The following MAD1L1 variants were observed in gnomAD, a reference collection of about 807,000 sequenced individuals.
MAD1L1 encodes the protein mitotic spindle assembly checkpoint protein MAD1.
MAD1L1 carries 95 observed loss-of-function variants against 96.9 expected under a neutral mutation model. That is an observed-to-expected ratio of 0.98 (90% CI 0.83 to 1.16). The LOEUF (loss-of-function observed/expected upper bound fraction) is 1.16, where lower values mean the gene tolerates loss of function less well. Among genes scored for constraint, MAD1L1 ranks in the 50% most tolerant of loss-of-function variants. MAD1L1 has a pLI of 0.00. For missense variants in MAD1L1, 1,007 were observed against 954.4 expected (o/e 1.06, Z -0.73); for synonymous variants, 473 against 396.6 (o/e 1.19, Z -2.29).
intron 15 of MAD1L1, among the ~76,000 whole-genome samples, chr7:1,974,525 A>G (rs1199127384): frequency 6.6e-6 from 1 of 152,252 alleles, no homozygotes; most frequent in Non-Finnish European, 1.5e-5. Context: ...GAGAACAGAA[A>G]CAGACTCTCA....
chr7:1,950,367 G>A (rs889250128), intron 16 of MAD1L1, among the ~76,000 whole-genome samples: 1 of 152,118 alleles, frequency 6.6e-6, no homozygotes, highest in Non-Finnish European at 1.5e-5. Flanking sequence ...GCGCCACCTC[G>A]AGGCCCGCAA....
chr7:1,931,413 G>A (rs1421335956), intron 17 of MAD1L1, among the ~76,000 whole-genome samples: 1 of 152,214 alleles, frequency 6.6e-6, no homozygotes, highest in Non-Finnish European at 1.5e-5. Flanking sequence ...AGATTTACAT[G>A]CACATGAGTT....
Position 1,885,232 on chromosome 7 carries a change from T to C in MAD1L1, c.1998+12968A>G, listed in dbSNP as rs375426942. Among the ~76,000 whole-genome samples, 173 of 152,222 alleles carry C rather than the reference T, an allele frequency of 1.1e-3. 1 individual carries two copies. Among genetic ancestry groups the C allele is most frequent in the African/African-American group, 3.9e-3 (160 of 41,542 alleles). On this transcript the variant is annotated intron_variant, in intron 18 of 18. Coordinates refer to ENST00000265854, the MANE Select transcript of MAD1L1 (RefSeq NM_001013836.2). ...CACACAGACACTACTTTCAAGGAAC[T>C]GGTCTCAGGAACCACTCCCTGCCCA...
chr7:2,084,315 A>G (rs1785801774), intron 11 of MAD1L1, among the ~76,000 whole-genome samples: 1 of 152,228 alleles, frequency 6.6e-6, no homozygotes, highest in Non-Finnish European at 1.5e-5. Flanking sequence ...CGGACCCGCC[A>G]CAGAGACAGC....
chr7:2,071,587 G>A (rs1290957990), intron 11 of MAD1L1, among the ~76,000 whole-genome samples: 6 of 152,234 alleles, frequency 3.9e-5, no homozygotes, highest in South Asian at 2.1e-4. Flanking sequence ...CAGGAAGATC[G>A]AGGCCGGACT....
In MAD1L1 at chr7:2,088,518, A is replaced by G. The variant is rs75433204; in HGVS notation, c.1074-19180T>C. On this transcript the variant is annotated intron_variant, in intron 11 of 18. Transcript: ENST00000265854. This position sits in a 1 kb window ranked among gnomAD's most constrained non-coding sequence, Gnocchi z 4.4. ...CCCCAGCCTCGAGTGCCACCATGAC[A>G]GCTCTGGAGCTGCCACTGCACGTGC... Among the ~76,000 whole-genome samples the G allele has an allele frequency of 0.024, 3,637 of 152,252 alleles. 180 individuals are homozygous for G. Among genetic ancestry groups the G allele is most frequent in the African/African-American group, 0.081 (3,381 of 41,530 alleles).
At chr7:2,101,769 C>G (rs1786791779) in intron 11 of MAD1L1, among the ~76,000 whole-genome samples, 1 of 152,204 alleles carries the variant, frequency 6.6e-6, no homozygotes, top group African/African-American at 2.4e-5. Flanking sequence ...CCAAAGTGAA[C>G]AGCTTCTATG....
intron 10 of MAD1L1, among the ~76,000 whole-genome samples, chr7:2,187,137 C>T (rs146582762): frequency 3.9e-4 from 60 of 152,046 alleles, no homozygotes; most frequent in African/African-American, 1.4e-3. Flanking sequence ...CACTTGAGGT[C>T]AGGAGTTCGA....
chr7:2,008,336 C>G (rs913659896), intron 13 of MAD1L1, among the ~76,000 whole-genome samples: 1 of 152,170 alleles, frequency 6.6e-6, no homozygotes, highest in African/African-American at 2.4e-5. Flanking sequence ...GGCAGAGCAC[C>G]CCCTGTGGAA....
rs781251085 is a variant in MAD1L1 at position 2,219,350 on chromosome 7, T to G, written c.578A>C (p.Gln193Pro). The G allele has an allele frequency of 6.3e-7, 1 of 1,586,254 alleles. No individual in the cohort carries two copies. Among genetic ancestry groups the G allele is most frequent in the African/African-American group, 1.3e-5 (1 of 74,426 alleles). ...LESEKQELQEQLDLQHKKCQE... is the reference protein window; with the variant it reads ...LESEKQELQEPLDLQHKKCQE... ...CGCCCACTTGTGTTGCAGGTCCAGC[T>G]GCTCCTGCAGCTCCTGCTTCTCCGA... The change falls in exon 6 of 19, where the codon CAG becomes CCG. Residue 193 changes from glutamine (Q) to proline (P), a missense_variant. Gln to Pro is a moderately conservative substitution (Grantham distance 76). Coordinates refer to ENST00000265854, the MANE Select transcript of MAD1L1 (RefSeq NM_001013836.2).
chr7:2,151,163 A>G (rs1029514270), intron 10 of MAD1L1, among the ~76,000 whole-genome samples: 3 of 152,250 alleles, frequency 2.0e-5, no homozygotes, highest in Non-Finnish European at 4.4e-5. Context: ...TTTTTCTGAA[A>G]CATTTGAATG....
chr7:1,890,446 CTCT>C (rs1377043133), intron 18 of MAD1L1, among the ~76,000 whole-genome samples: 8 of 152,262 alleles, frequency 5.3e-5, no homozygotes, highest in Admixed American at 4.6e-4. Context: ...TGGGCGGTTC[CTCT>C]TCATCTCCCG....
chr7:1,937,088 G>A lies in MAD1L1; in HGVS notation c.1597-191C>T, dbSNP rs571270187. ...CTGGAAGGAGTGGCTCCTTCCCTGTGCCCTGTGGACAGGTGCAGGAACAAG... is the reference window on the plus strand; with the variant it reads ...CTGGAAGGAGTGGCTCCTTCCCTGTACCCTGTGGACAGGTGCAGGAACAAG... On this transcript the variant is annotated intron_variant, in intron 16 of 18. Transcript: ENST00000265854. Among the ~76,000 whole-genome samples the A allele has an allele frequency of 8.5e-5, 13 of 152,298 alleles. No homozygotes were observed. In the South Asian group the frequency reaches 1.9e-3, roughly 22 times the overall value.
chr7:1,957,948 G>A (rs1007057675), intron 15 of MAD1L1, among the ~76,000 whole-genome samples: 1 of 152,254 alleles, frequency 6.6e-6, no homozygotes, highest in African/African-American at 2.4e-5. Flanking sequence ...TCAGCTGGAG[G>A]AGCCTGTGCG....
In MAD1L1 at chr7:1,898,267, G is replaced by GT; in HGVS notation, c.1930dup (p.Thr644AsnfsTer117). 1 of 1,614,176 alleles carries GT rather than the reference G, an allele frequency of 6.2e-7. No individual in the cohort carries two copies. Among genetic ancestry groups the GT allele is most frequent in the Non-Finnish European group, 8.5e-7 (1 of 1,180,034 alleles). ...GGTCAGCCGGTACTGGTTCTCCGTG[G>GT]TGATGTCGATCTGGTAGCCGGTGAG... is the stretch of plus-strand genomic sequence containing the variant. On this transcript the variant is annotated frameshift_variant, in exon 18 of 19. Transcript: ENST00000265854. LOFTEE classifies it high-confidence loss of function.
intron 11 of MAD1L1, among the ~76,000 whole-genome samples, chr7:2,126,178 G>A (rs375544378): frequency 1.9e-4 from 29 of 152,326 alleles, no homozygotes; most frequent in African/African-American, 3.6e-4. Context: ...TGCAAAGACC[G>A]GGCAGGATGA....
intron 15 of MAD1L1, among the ~76,000 whole-genome samples, chr7:1,977,933 C>T (rs1780721641): frequency 6.6e-6 from 1 of 152,262 alleles, no homozygotes; most frequent in East Asian, 1.9e-4. Flanking sequence ...CCTACTCCAC[C>T]ACCTCCCACG....
chr7:1,963,734 C>T (rs556461452), intron 15 of MAD1L1, among the ~76,000 whole-genome samples: 50 of 152,352 alleles, frequency 3.3e-4, no homozygotes, highest in African/African-American at 1.1e-3. Context: ...GCGCTGCCCT[C>T]CCTGGGTGTC....
chr7:1,861,963 G>A (rs1784554684), intron 18 of MAD1L1, among the ~76,000 whole-genome samples: 1 of 152,154 alleles, frequency 6.6e-6, no homozygotes, highest in African/African-American at 2.4e-5. Context: ...GAACGTAGAG[G>A]GCTGGGGTGT....
Sources: gnomAD v4.1 joint callset for allele counts (sites outside exome capture counted in the v4.1 genomes callset) on GRCh38, gnomAD v4.1.1 for gene constraint, Gnocchi (gnomAD v3.1) non-coding constraint, MANE v1.5 for transcripts, NCBI Gene and HGNC (gene_info 2026-07-23, HGNC 2026-07-21) for gene names.